PAM: variants seen among roughly 807,000 people sequenced by gnomAD.
PAM encodes the protein peptidyl-glycine alpha-amidating monooxygenase.
In PAM, 72 loss-of-function variants were observed where a neutral mutation model predicts 122.1. The observed-to-expected ratio is 0.59, with a 90% CI of 0.49 to 0.72. PAM has a LOEUF of 0.72. Among genes scored for constraint, PAM ranks in the 30% least tolerant of loss-of-function variants. The probability of loss-of-function intolerance (pLI) is 0.00; values close to 1 mark genes in which losing one functional copy is unlikely to be tolerated. For synonymous variants in PAM, 389 were observed against 404.4 expected (o/e 0.96, Z 0.46); for missense variants, 1,106 against 1,183.7 (o/e 0.93, Z 0.96).
At chr5:102,756,753 G>C (rs1225430571) in intron 1 of PAM, among the ~76,000 whole-genome samples, 2 of 151,642 alleles carry the variant, frequency 1.3e-5, no homozygotes, top group African/African-American at 4.9e-5. Flanking sequence ...GACAGAGCAA[G>C]ACCCTGTCTC....
chr5:102,776,213 T>C (rs1338037221), intron 1 of PAM, among the ~76,000 whole-genome samples: 1 of 152,196 alleles, frequency 6.6e-6, no homozygotes, highest in Non-Finnish European at 1.5e-5. Context: ...TTCTTTAAGT[T>C]CCTTGTAGAT....
intron 13 of PAM, among the ~76,000 whole-genome samples, chr5:102,960,369 C>T (rs540791275): frequency 5.3e-5 from 8 of 151,976 alleles, no homozygotes; most frequent in Non-Finnish European, 1.2e-4. Flanking sequence ...TAACTCCTTC[C>T]CTAACCAGTA....
At chr5:102,796,318 G>A (rs1398232759) in intron 1 of PAM, among the ~76,000 whole-genome samples, 2 of 152,138 alleles carry the variant, frequency 1.3e-5, no homozygotes, top group South Asian at 2.1e-4. Flanking sequence ...CTCATAGATC[G>A]ATCTGTGCCT....
At chr5:103,028,365 A>C in intron 25 of PAM, 127 bp downstream of exon 25, 1 of 671,642 alleles carries the variant, frequency 1.5e-6, no homozygotes, top group Non-Finnish European at 2.7e-6. Flanking sequence ...GCAGCTTAGC[A>C]TCTCCCAGAG....
At chr5:102,848,888 A>C (rs1474116010) in intron 1 of PAM, among the ~76,000 whole-genome samples, 2 of 152,150 alleles carry the variant, frequency 1.3e-5, no homozygotes, top group Non-Finnish European at 1.5e-5. Flanking sequence ...ATATGTAAGA[A>C]TATTTATCAG....
intron 4 of PAM, among the ~76,000 whole-genome samples, chr5:102,910,796 G>A (rs1359502648): frequency 6.6e-6 from 1 of 151,708 alleles, no homozygotes; most frequent in Non-Finnish European, 1.5e-5. Context: ...TTTCTTTGGT[G>A]TATGATGGGT....
intron 12 of PAM, 143 bp from the exon 13 acceptor site, chr5:102,959,732 G>A: frequency 1.6e-6 from 1 of 608,064 alleles, no homozygotes; most frequent in East Asian, 2.8e-5. Context: ...ACTGTGATGG[G>A]TTTTAATGAA....
rs139215745 is a variant in PAM at position 102,937,987 on chromosome 5, A to C, written c.527-8850A>C. 5.9e-4 allele frequency among the ~76,000 whole-genome samples: 90 copies of C among 152,232 alleles called. No homozygotes were observed. The East Asian group carries it at 0.014, about 23-fold the overall frequency. On this transcript the variant is annotated intron_variant, in intron 7 of 25. Coordinates refer to ENST00000438793, the MANE Select transcript of PAM (RefSeq NM_001177306.2). Reference sequence around the variant, plus strand: ...GTAATCCATTTCCCTTATCATGTAGAGATATTTCTAAATCAGGTTGCTTGA... The same window carrying C: ...GTAATCCATTTCCCTTATCATGTAGCGATATTTCTAAATCAGGTTGCTTGA...
chr5:102,878,536 G>T lies in PAM; in HGVS notation c.210+11143G>T, dbSNP rs185699873. On this transcript the variant is annotated intron_variant, in intron 3 of 25. Coordinates refer to ENST00000438793, the MANE Select transcript of PAM (RefSeq NM_001177306.2). ...AAGGTTTATTTTAAAAGAGCCTCCA[G>T]CAGGTCCTTCAGGAGGTATTTGAGA... Among the ~76,000 whole-genome samples, 285 of 152,118 alleles carry T rather than the reference G, an allele frequency of 1.9e-3. 1 individual carries two copies. In the Middle Eastern group the frequency reaches 0.031, roughly 16 times the overall value.
chr5:102,822,893 T>C (rs913349378), intron 1 of PAM, among the ~76,000 whole-genome samples: 5 of 152,138 alleles, frequency 3.3e-5, no homozygotes, highest in Non-Finnish European at 7.3e-5. Flanking sequence ...CTGCTACACA[T>C]GTGCCCACCT....
intron 3 of PAM, among the ~76,000 whole-genome samples, chr5:102,869,395 G>GA (rs112374915): frequency 0.12 from 18,312 of 152,160 alleles, 2,629 homozygotes; most frequent in African/African-American, 0.34. Context: ...AAAGAATGTA[G>GA]TGCTTGGTGA....
chr5:102,759,137 A>G (rs1279271802), intron 1 of PAM, among the ~76,000 whole-genome samples: 2 of 152,238 alleles, frequency 1.3e-5, no homozygotes. Context: ...AAAAATTATA[A>G]TGCCATATGA....
chr5:102,888,023 A>C (rs1160149158), intron 3 of PAM, among the ~76,000 whole-genome samples: 1 of 151,950 alleles, frequency 6.6e-6, no homozygotes, highest in Non-Finnish European at 1.5e-5. Context: ...TCACAAATGC[A>C]GTTTCACATT....
rs186639627 is a variant in PAM at position 102,931,252 on chromosome 5, T to G, written c.526+4584T>G. ...CATTATTTTTAGACACAGAACTGTT[T>G]TGAGTGTGTCACGTTGCCAGTAGAA... On this transcript the variant is annotated intron_variant, in intron 7 of 25. Transcript: ENST00000438793. Among the ~76,000 whole-genome samples the G allele has an allele frequency of 6.6e-5, 10 of 152,324 alleles. No homozygotes were observed. The East Asian group carries it at 1.7e-3, about 26-fold the overall frequency.
intron 1 of PAM, among the ~76,000 whole-genome samples, chr5:102,763,544 TA>T (rs1753019658): frequency 6.6e-6 from 1 of 152,152 alleles, no homozygotes; most frequent in African/African-American, 2.4e-5. Flanking sequence ...CAGGCAGAGG[TA>T]AATGCTCTGA....
In PAM at chr5:102,948,279, A is replaced by G. The variant is rs1757655807; in HGVS notation, c.576-99A>G. The G allele has an allele frequency of 6.5e-6, 4 of 611,954 alleles. No individual in the cohort carries two copies. The South Asian group carries it at 9.3e-5, about 14-fold the overall frequency. 37.9% of individuals were successfully genotyped at this position (611,954 alleles called of 1,614,324 possible). A position where few individuals can be genotyped will look rare whatever the true frequency, so the allele number is the denominator to read the frequency against. On this transcript the variant is annotated intron_variant, in intron 8 of 25. Coordinates refer to ENST00000438793, the MANE Select transcript of PAM (RefSeq NM_001177306.2). ...TTCTACTTCAATTTTCAAAAGCATC[A>G]CATTTTATAAACCAAAGTATTGAGG...
At chr5:102,861,245 T>C (rs2150879225) in intron 1 of PAM, among the ~76,000 whole-genome samples, 1 of 152,324 alleles carries the variant, frequency 6.6e-6, no homozygotes, top group Admixed American at 6.5e-5. Context: ...GCTAAGCTTT[T>C]CCTGATACAC....
chr5:102,869,020 C>T (rs1786495477), intron 3 of PAM, among the ~76,000 whole-genome samples: 1 of 152,130 alleles, frequency 6.6e-6, no homozygotes, highest in Admixed American at 6.5e-5. Context: ...TTTTATTTTG[C>T]ACTATCTGTA....
intron 1 of PAM, among the ~76,000 whole-genome samples, chr5:102,771,219 A>G (rs1055036579): frequency 6.6e-6 from 1 of 152,086 alleles, no homozygotes. Context: ...ATTTTTCATT[A>G]CAATATATAC....
Sources: allele counts gnomAD v4.1 joint callset (sites outside exome capture counted in the v4.1 genomes callset), GRCh38; gene constraint gnomAD v4.1.1; transcripts MANE v1.5; gene names NCBI Gene and HGNC (gene_info 2026-07-23, HGNC 2026-07-21).